FRMD3: variants seen among roughly 807,000 people sequenced by gnomAD.
FRMD3 encodes the protein FERM domain-containing protein 3.
FRMD3 carries 33 observed loss-of-function variants against 70.2 expected under a neutral mutation model. That is an observed-to-expected ratio of 0.47 (90% CI 0.36 to 0.63). The LOEUF (loss-of-function observed/expected upper bound fraction) is 0.63, where lower values mean the gene tolerates loss of function less well. Among genes scored for constraint, FRMD3 ranks in the 20% least tolerant of loss-of-function variants. The pLI is 0.00. For missense variants in FRMD3, 632 were observed against 711.4 expected, an observed-to-expected ratio of 0.89 and a Z score of 1.27; for synonymous variants, 279 against 255.9, an observed-to-expected ratio of 1.09 and a Z score of -0.86.
At position 83,536,930 on chromosome 9, in the gene FRMD3, T is replaced by TAAAAAAAAAAAA. The variant is rs142272516; in HGVS notation, c.147+1143_147+1154dup. On this transcript the variant is annotated intron_variant, in intron 1 of 13. Transcript: ENST00000304195. ...ATGGGTGGTGTGCCCTGTATTACAC[T>TAAAAAAAAAAAA]AAAAAAAAAAAAAAAAAAAAAAAGC... 1.1e-3 allele frequency among the ~76,000 whole-genome samples: 64 copies of TAAAAAAAAAAAA among 60,894 alleles called. 7 individuals carry two copies. The highest frequency in any genetic ancestry group is 2.6e-3 in the African/African-American group (43 of 16,412). 39.9% of individuals were successfully genotyped at this position (60,894 alleles called of 152,430 possible).
chr9:83,315,509 G>A (rs535260731), intron 6 of FRMD3, among the ~76,000 whole-genome samples: 1 of 152,234 alleles, frequency 6.6e-6, no homozygotes, highest in African/African-American at 2.4e-5. Flanking sequence ...CTGTTCTCGG[G>A]ATAGTGAGTC....
chr9:83,255,095 C>T (rs1832638598), intron 13 of FRMD3, among the ~76,000 whole-genome samples: 1 of 152,122 alleles, frequency 6.6e-6, no homozygotes. Flanking sequence ...AACTTCGGGC[C>T]AATATCCTTG....
At chr9:83,254,028 C>T (rs1417378943) in intron 13 of FRMD3, among the ~76,000 whole-genome samples, 1 of 151,704 alleles carries the variant, frequency 6.6e-6, no homozygotes, top group African/African-American at 2.4e-5. Context: ...AAAAACCAAA[C>T]ACCACATGTT....
At chr9:83,564,816 G>A in the FRMD3 span, among the ~76,000 whole-genome samples, 515 of 152,302 alleles carry the variant, frequency 3.4e-3, 3 homozygotes, top group African/African-American at 0.011. Flanking sequence ...GAACCTGTAC[G>A]ACGTGCATCC....
chr9:83,386,740 T>C lies in FRMD3; in HGVS notation c.252+2864A>G, dbSNP rs181378545. On this transcript the variant is annotated intron_variant, in intron 2 of 13. Transcript: ENST00000304195. Reference sequence around the variant, plus strand: ...GTTTTCCCACTACTATACTTGTCTATGTTTCAGGATCCCACATTGCCTTGA... The same window carrying C: ...GTTTTCCCACTACTATACTTGTCTACGTTTCAGGATCCCACATTGCCTTGA... Among the ~76,000 whole-genome samples, 301 of 152,350 alleles carry C rather than the reference T, an allele frequency of 2.0e-3. 3 individuals are homozygous for C. The highest frequency in any genetic ancestry group is 6.9e-3 in the African/African-American group (285 of 41,588).
At position 83,538,324 on chromosome 9, in the gene FRMD3, C is replaced by A; in HGVS notation, c.-93G>T. On this transcript the variant is annotated 5_prime_UTR_variant, in exon 1 of 14. Coordinates refer to ENST00000304195, the MANE Select transcript of FRMD3 (RefSeq NM_174938.6). The surrounding 1 kb of genome is among the most constrained non-coding windows in gnomAD (Gnocchi z 4.7). ...ACGCTCGCACGCACTGTCCGGGACA[C>A]CTGGGCGCGGCTCAGCCCCGGGACA... The A allele has an allele frequency of 2.4e-6, 3 of 1,243,074 alleles. No homozygotes were observed. The highest frequency in any genetic ancestry group is 3.2e-6 in the Non-Finnish European group (3 of 951,684). 77.0% of individuals were successfully genotyped at this position (1,243,074 alleles called of 1,614,324 possible). A position where few individuals can be genotyped will look rare whatever the true frequency, so the allele number is the denominator to read the frequency against.
the FRMD3 span, among the ~76,000 whole-genome samples, chr9:83,547,762 A>G: frequency 1.4e-4 from 21 of 152,292 alleles, no homozygotes; most frequent in African/African-American, 4.6e-4. Context: ...CACATGAACA[A>G]TTCTTCAAAA....
intron 1 of FRMD3, among the ~76,000 whole-genome samples, chr9:83,467,947 C>G (rs1018460058): frequency 1.3e-5 from 2 of 151,994 alleles, no homozygotes; most frequent in African/African-American, 4.8e-5. Context: ...CAGACAACAT[C>G]AGACAGGGAT....
chr9:83,249,887 A>T (rs770541433), intron 13 of FRMD3, among the ~76,000 whole-genome samples: 3 of 152,152 alleles, frequency 2.0e-5, no homozygotes, highest in Admixed American at 1.3e-4. Flanking sequence ...TGAGAAAAAA[A>T]TTGACAGTTC....
intron 13 of FRMD3, 49 bp downstream of exon 13, chr9:83,290,554 C>A: frequency 6.2e-7 from 1 of 1,611,524 alleles, no homozygotes; most frequent in Non-Finnish European, 8.5e-7. Flanking sequence ...CTTGTTTTTT[C>A]CAGAGGAAGC....
At chr9:83,277,461 C>A (rs1587667268) in intron 13 of FRMD3, among the ~76,000 whole-genome samples, 1 of 152,256 alleles carries the variant, frequency 6.6e-6, no homozygotes, top group East Asian at 1.9e-4. Flanking sequence ...AATTCCCAGG[C>A]TCAAGTGATC....
At chr9:83,301,146 G>GC (rs1834908036) in intron 10 of FRMD3, among the ~76,000 whole-genome samples, 1 of 150,762 alleles carries the variant, frequency 6.6e-6, no homozygotes, top group African/African-American at 2.5e-5. Context: ...CATGGCCCTG[G>GC]GGGGGGCCCT....
At chr9:83,424,480 A>T (rs766375556) in intron 1 of FRMD3, among the ~76,000 whole-genome samples, 45 of 152,250 alleles carry the variant, frequency 3.0e-4, no homozygotes, top group Non-Finnish European at 5.3e-4. Flanking sequence ...CTGTGTTTCT[A>T]GAAGATAAGA....
chr9:83,259,826 C>T (rs1409518864), intron 13 of FRMD3, among the ~76,000 whole-genome samples: 1 of 152,076 alleles, frequency 6.6e-6, no homozygotes, highest in Non-Finnish European at 1.5e-5. Context: ...TGTTGATCAT[C>T]TTGGCAATAC....
intron 1 of FRMD3, among the ~76,000 whole-genome samples, chr9:83,455,481 T>G (rs1316709988): frequency 6.6e-6 from 1 of 152,158 alleles, no homozygotes; most frequent in Admixed American, 6.6e-5. Context: ...CCACTTTTGC[T>G]TCTTCCTCAT....
intron 3 of FRMD3, among the ~76,000 whole-genome samples, chr9:83,350,027 C>T (rs1326535048): frequency 3.3e-5 from 5 of 152,170 alleles, no homozygotes; most frequent in African/African-American, 9.7e-5. Flanking sequence ...CATCACAGCT[C>T]GCCTTCATTC....
At chr9:83,449,591 CTG>C (rs765823940) in intron 1 of FRMD3, among the ~76,000 whole-genome samples, 6 of 152,244 alleles carry the variant, frequency 3.9e-5, no homozygotes, top group Non-Finnish European at 8.8e-5. Context: ...GGCTCCCACT[CTG>C]AGAACCTTCA....
At chr9:83,331,000 G>A (rs1441968713) in intron 6 of FRMD3, among the ~76,000 whole-genome samples, 1 of 152,224 alleles carries the variant, frequency 6.6e-6, no homozygotes, top group Non-Finnish European at 1.5e-5. Flanking sequence ...TTCCCTGCTG[G>A]TGGGAATGCG....
At chr9:83,484,177 T>C (rs10868019) in intron 1 of FRMD3, among the ~76,000 whole-genome samples, 29,145 of 152,170 alleles carry the variant, frequency 0.19, 3,589 homozygotes, top group African/African-American at 0.35. Context: ...TTTATTCAGA[T>C]CAAGTGTTCA....
Sources: gnomAD v4.1 joint callset for allele counts (sites outside exome capture counted in the v4.1 genomes callset) on GRCh38, gnomAD v4.1.1 for gene constraint, Gnocchi (gnomAD v3.1) non-coding constraint, MANE v1.5 for transcripts, NCBI Gene and HGNC (gene_info 2026-07-23, HGNC 2026-07-21) for gene names.